Variants in IL36B observed in about 807,000 individuals in gnomAD.
IL36B encodes the protein interleukin 36 beta, also known as interleukin-36 beta.
In IL36B, 23 loss-of-function variants were observed where a neutral mutation model predicts 19.3. That is an observed-to-expected ratio of 1.19 (90% CI 0.86 to 1.69). IL36B has a LOEUF of 1.69. Among genes scored for constraint, IL36B ranks in the 40% most tolerant of loss-of-function variants. The pLI, the probability that IL36B is intolerant of heterozygous loss-of-function variation, is 0.00. For synonymous variants in IL36B, 59 were observed against 59.7 expected (o/e 0.99, Z 0.05); for missense variants, 217 against 200.5 (o/e 1.08, Z -0.50).
chr2:113,038,539 T>G (rs1685197243), intron 1 of IL36B, among the ~76,000 whole-genome samples: 1 of 152,224 alleles, frequency 6.6e-6, no homozygotes, highest in African/African-American at 2.4e-5. Flanking sequence ...CAGCTGTGAC[T>G]GCTGGTTGCT....
intron 4 of IL36B, chr2:113,027,496 TG>T: frequency 2.0e-6 from 2 of 1,025,286 alleles, no homozygotes; most frequent in Non-Finnish European, 2.3e-6. Context: ...GCTTTATCTT[TG>T]GGGCACATAT....
At chr2:113,025,979 TG>T (rs1684951076) in intron 5 of IL36B, 1 of 1,440,606 alleles carries the variant, frequency 6.9e-7, no homozygotes, top group African/African-American at 1.4e-5. Flanking sequence ...GATGTATTCT[TG>T]AACTTAGACC....
chr2:113,031,890 T>A, intron 1 of IL36B, 124 bp from the exon 2 acceptor site: 1 of 580,080 alleles, frequency 1.7e-6, no homozygotes, highest in Admixed American at 3.0e-5. Context: ...CTCTCCTAGA[T>A]GCATATTTGA....
chr2:113,031,022 C>A, intron 3 of IL36B, 26 bp downstream of exon 3: 2 of 1,513,524 alleles, frequency 1.3e-6, no homozygotes, highest in Non-Finnish European at 1.8e-6. Context: ...CCTCAAGAAG[C>A]AACAGTGGGT....
intron 5 of IL36B, among the ~76,000 whole-genome samples, chr2:113,025,231 G>A (rs184003541): frequency 7.9e-5 from 12 of 152,274 alleles, no homozygotes; most frequent in African/African-American, 2.9e-4. Context: ...GGAAGAGGAG[G>A]AAGAATTGAG....
Position 113,022,296 on chromosome 2 carries a change from C to A in IL36B, c.*378G>T. The A allele has an allele frequency of 6.0e-6, 1 of 166,056 alleles. No homozygotes were observed. Among genetic ancestry groups the A allele is most frequent in the Non-Finnish European group, 1.3e-5 (1 of 77,050 alleles). The allele number at this position is 166,056 out of a possible 1,614,324, so 10.3% of individuals were successfully genotyped here. A position where few individuals can be genotyped will look rare whatever the true frequency, so the allele number is the denominator to read the frequency against. On this transcript the variant is annotated 3_prime_UTR_variant, in exon 6 of 6. Coordinates refer to ENST00000259213, the MANE Select transcript of IL36B (RefSeq NM_014438.5). ...CTGTTTCTTCCATAGGACTTAACCC[C>A]TGTACATCAGGAAAAGAAATAACAG...
At chr2:113,041,156 C>CAAAAA (rs11405890) in intron 1 of IL36B, among the ~76,000 whole-genome samples, 1 of 132,950 alleles carries the variant, frequency 7.5e-6, no homozygotes, top group Non-Finnish European at 1.6e-5. Flanking sequence ...GACTTTGCCA[C>CAAAAA]ACACAAAAAA....
rs1280043508 is a variant in IL36B, at chr2:113,022,362, G to A, written c.*312C>T. ...CTTGCTGCTCTGTGGGAATTCAGGA[G>A]CAATGTTGTCTGATCTTCCCATTTT... On this transcript the variant is annotated 3_prime_UTR_variant, in exon 6 of 6. Coordinates refer to ENST00000259213, the MANE Select transcript of IL36B (RefSeq NM_014438.5). 2 of 194,946 alleles carry A rather than the reference G, an allele frequency of 1.0e-5. No homozygotes were observed. The highest frequency in any genetic ancestry group is 2.1e-5 in the Non-Finnish European group (2 of 95,840). The allele number at this position is 194,946 out of a possible 1,614,324, so 12.1% of individuals were successfully genotyped here. A position where few individuals can be genotyped will look rare whatever the true frequency, so the allele number is the denominator to read the frequency against.
intron 1 of IL36B, among the ~76,000 whole-genome samples, chr2:113,050,256 C>G (rs4603767): frequency 1.3e-5 from 2 of 151,838 alleles, no homozygotes; most frequent in African/African-American, 4.8e-5. Context: ...ACACACACCA[C>G]ACAGCCTTAA....
chr2:113,041,230 T>TATC (rs962899582), intron 1 of IL36B, among the ~76,000 whole-genome samples: 1 of 150,584 alleles, frequency 6.6e-6, no homozygotes, highest in Non-Finnish European at 1.5e-5. Flanking sequence ...AAGAAATCAC[T>TATC]ATCTGTACCA....
In IL36B at chr2:113,051,245, G is replaced by A. The variant is rs563046296; in HGVS notation, c.-58+1572C>T. On this transcript the variant is annotated intron_variant, in intron 1 of 5. Coordinates refer to ENST00000259213, the MANE Select transcript of IL36B (RefSeq NM_014438.5). ...TTCCAGTTTCCTGCTGGAGAGCAAT[G>A]GTCAAACTACACAGTCCGGCGGAGG... Among the ~76,000 whole-genome samples the A allele has an allele frequency of 2.0e-5, 3 of 152,350 alleles. No homozygotes were observed. In the East Asian group the frequency reaches 5.8e-4, roughly 29 times the overall value.
chr2:113,050,245 T>C (rs997563405), intron 1 of IL36B, among the ~76,000 whole-genome samples: 14 of 152,060 alleles, frequency 9.2e-5, no homozygotes, highest in African/African-American at 3.4e-4. Flanking sequence ...GAAAATGTGG[T>C]ACACACACCA....
At chr2:113,028,065 A>G (rs551942709) in intron 4 of IL36B, 2 of 1,614,106 alleles carry the variant, frequency 1.2e-6, no homozygotes, top group East Asian at 2.2e-5. Flanking sequence ...GGAAAAAGAG[A>G]AAGGGCTTCT....
At chr2:113,035,363 A>G (rs1685148778) in intron 1 of IL36B, among the ~76,000 whole-genome samples, 1 of 152,210 alleles carries the variant, frequency 6.6e-6, no homozygotes, top group South Asian at 2.1e-4. Flanking sequence ...AAACTGTGGG[A>G]ACCCCTCCCT....
rs529822898 is a variant in IL36B, at chr2:113,022,706, G to C, written c.463C>G (p.Arg155Gly). The change falls in exon 6 of 6, where the codon CGG becomes GGG. Residue 155 changes from arginine (R) to glycine (G), a missense_variant. Physicochemically the swap from Arg to Gly is moderately radical, Grantham distance 125 (BLOSUM62 -2). Coordinates refer to ENST00000259213, the MANE Select transcript of IL36B (RefSeq NM_014438.5). The stretch of plus-strand genomic sequence containing the variant: ...CTTCCTGGCATTCCTATGTTGGTCC[G>C]CATGGATGAGAAATCTTTGTCCTTC... 1 of 1,611,256 alleles carries C rather than the reference G, an allele frequency of 6.2e-7. No individual in the cohort carries two copies. The highest frequency in any genetic ancestry group is 8.5e-7 in the Non-Finnish European group (1 of 1,177,630).
chr2:113,038,515 G>T (rs933043518), intron 1 of IL36B, among the ~76,000 whole-genome samples: 1 of 152,086 alleles, frequency 6.6e-6, no homozygotes, highest in Non-Finnish European at 1.5e-5. Context: ...TTTCCTGGTG[G>T]GAGATCTCAA....
intron 5 of IL36B, among the ~76,000 whole-genome samples, chr2:113,023,851 G>T (rs185686722): frequency 1.3e-5 from 2 of 152,076 alleles, no homozygotes; most frequent in African/African-American, 4.8e-5. Flanking sequence ...TTGATAACCC[G>T]TGTTGTTTTC....
chr2:113,027,527 A>G, intron 4 of IL36B: 1 of 1,028,294 alleles, frequency 9.7e-7, no homozygotes, highest in Non-Finnish European at 1.2e-6. Flanking sequence ...TTATTGAAGA[A>G]GTTGTATGAA....
chr2:113,037,311 A>G (rs1685181903), intron 1 of IL36B, among the ~76,000 whole-genome samples: 1 of 152,188 alleles, frequency 6.6e-6, no homozygotes, highest in Admixed American at 6.5e-5. Context: ...AACAGAATAG[A>G]GAGTACAACT....
Sources: allele counts gnomAD v4.1 joint callset (sites outside exome capture counted in the v4.1 genomes callset), GRCh38; gene constraint gnomAD v4.1.1; transcripts MANE v1.5; gene names NCBI Gene and HGNC (gene_info 2026-07-23, HGNC 2026-07-21).